The following CEP89 variants were observed in gnomAD, a reference collection of about 807,000 sequenced individuals.
The protein encoded by CEP89 is centrosomal protein 89.
In CEP89, 95 loss-of-function variants were observed where a neutral mutation model predicts 97.6. The ratio of observed to expected loss-of-function variants is 0.97; its 90% CI spans 0.82 to 1.15. The LOEUF (loss-of-function observed/expected upper bound fraction) is 1.15. Ranked by LOEUF, CEP89 falls within the 50% of genes most tolerant of loss-of-function variation. CEP89 has a pLI of 0.00. For missense variants in CEP89, 869 were observed against 947.7 expected (o/e 0.92, Z 1.09); for synonymous variants, 354 against 349.1 (o/e 1.01, Z -0.16).
intron 16 of CEP89, among the ~76,000 whole-genome samples, chr19:32,899,067 TA>T (rs981162192): frequency 7.5e-4 from 113 of 151,128 alleles, no homozygotes; most frequent in African/African-American, 2.7e-3. Context: ...TACAATTGTT[TA>T]AAAAGAAAAA....
At chr19:32,944,553 C>T (rs963148645) in intron 5 of CEP89, among the ~76,000 whole-genome samples, 10 of 151,842 alleles carry the variant, frequency 6.6e-5, no homozygotes, top group Admixed American at 6.6e-4. Context: ...TCCAGTGGTG[C>T]GATGGGGAGG....
intron 4 of CEP89, among the ~76,000 whole-genome samples, chr19:32,951,534 T>TATATATATATATATACAC (rs1407110112): frequency 2.9e-4 from 35 of 122,026 alleles, no homozygotes; most frequent in African/African-American, 1.2e-3. Context: ...TATATATATA[T>TATATATATATATATACAC]ACACACACAC....
At chr19:32,891,406 G>A (rs1033818776) in intron 16 of CEP89, among the ~76,000 whole-genome samples, 19 of 152,074 alleles carry the variant, frequency 1.2e-4, no homozygotes, top group Admixed American at 6.6e-5. Context: ...ATAAGTGACT[G>A]TTACACTTGA....
At chr19:32,925,110 A>G (rs1970327029) in intron 11 of CEP89, among the ~76,000 whole-genome samples, 1 of 152,178 alleles carries the variant, frequency 6.6e-6, no homozygotes, top group Non-Finnish European at 1.5e-5. Context: ...GATTAGGAAC[A>G]AGCTGGGAGC....
intron 9 of CEP89, among the ~76,000 whole-genome samples, chr19:32,929,096 A>G (rs769109850): frequency 6.6e-6 from 1 of 152,140 alleles, no homozygotes; most frequent in Admixed American, 6.6e-5. Flanking sequence ...ACACCTTAAT[A>G]TCTATGTAAT....
At chr19:32,924,644 C>T (rs950028385) in intron 11 of CEP89, among the ~76,000 whole-genome samples, 6 of 152,196 alleles carry the variant, frequency 3.9e-5, no homozygotes, top group African/African-American at 1.4e-4. Context: ...CTTCTCCTCT[C>T]ATCTCTCCAC....
rs757911187 is a variant in CEP89 at position 32,948,315 on chromosome 19, T to C, written c.546A>G (p.Gln182=). ...NSEDDENISH[Q]DGFPGSPPAP... ...CAGGAGGGGAGCCTGGAAACCCATCTTGATGAGAAATATTTTCATCGTCTT... is the reference window on the plus strand; with the variant it reads ...CAGGAGGGGAGCCTGGAAACCCATCCTGATGAGAAATATTTTCATCGTCTT... Residue 182 remains glutamine (Q), a synonymous_variant, in exon 5 of 19, where the codon CAA becomes CAG. Coordinates refer to ENST00000305768, the MANE Select transcript of CEP89 (RefSeq NM_032816.5). The C allele has an allele frequency of 4.3e-6, 7 of 1,612,182 alleles. No homozygotes were observed. The highest frequency in any genetic ancestry group is 5.9e-6 in the Non-Finnish European group (7 of 1,179,246).
At chr19:32,941,402 C>A (rs1168394392) in intron 5 of CEP89, among the ~76,000 whole-genome samples, 2 of 152,040 alleles carry the variant, frequency 1.3e-5, no homozygotes, top group African/African-American at 4.8e-5. Context: ...ACTTGGGCGG[C>A]TGAGGCAGGA....
chr19:32,900,616 G>C (rs1391882837), intron 15 of CEP89, among the ~76,000 whole-genome samples: 1 of 151,820 alleles, frequency 6.6e-6, no homozygotes, highest in Admixed American at 6.6e-5. Flanking sequence ...GTTCTAAAAG[G>C]CACTTTCGAA....
In CEP89 at chr19:32,891,365, A is replaced by G. The variant is rs186298951; in HGVS notation, c.1876-3524T>C. ...CAGGCACACACACAAACACACACAC[A>G]CACACACATACACCAATACAAAAAA... On this transcript the variant is annotated intron_variant, in intron 16 of 18. Transcript: ENST00000305768. 3.3e-5 allele frequency among the ~76,000 whole-genome samples: 5 copies of G among 152,266 alleles called. 1 individual carries two copies. In the East Asian group the frequency reaches 9.7e-4, roughly 29 times the overall value.
In CEP89 at chr19:32,958,174, G is replaced by GA. The variant is rs35392256; in HGVS notation, c.305+1725dup. 6.1e-3 allele frequency among the ~76,000 whole-genome samples: 842 copies of GA among 139,054 alleles called. 7 individuals are homozygous for GA. The highest frequency in any genetic ancestry group is 0.017 in the African/African-American group (634 of 37,902). The allele number at this position is 139,054 out of a possible 152,430, so 91.2% of individuals were successfully genotyped here. A position where few individuals can be genotyped will look rare whatever the true frequency, so the allele number is the denominator to read the frequency against. On this transcript the variant is annotated intron_variant, in intron 3 of 18. Coordinates refer to ENST00000305768, the MANE Select transcript of CEP89 (RefSeq NM_032816.5). The stretch of plus-strand genomic sequence containing the variant: ...TCAGCCAAAGTATAATGCTTACCAG[G>GA]AAAAAAAAAAAGGTTAAATTCAAAT...
At chr19:32,892,381 G>A (rs1353127201) in intron 16 of CEP89, among the ~76,000 whole-genome samples, 1 of 150,490 alleles carries the variant, frequency 6.6e-6, no homozygotes, top group Non-Finnish European at 1.5e-5. Context: ...TCAGCTCACT[G>A]TAGCCTCTGC....
At chr19:32,892,515 G>A (rs551483764) in intron 16 of CEP89, among the ~76,000 whole-genome samples, 5 of 151,094 alleles carry the variant, frequency 3.3e-5, no homozygotes, top group African/African-American at 4.9e-5. Flanking sequence ...CATGTTGGCC[G>A]GGCTGGTCTT....
chr19:32,915,357 T>C lies in CEP89; in HGVS notation c.1545A>G (p.Ser515=). Residue 515 remains serine (S), a synonymous_variant, in exon 14 of 19, where the codon TCA becomes TCG. Coordinates refer to ENST00000305768, the MANE Select transcript of CEP89 (RefSeq NM_032816.5). Reference sequence around the variant, plus strand: ...CTTACCTTTTTAATTCATTCACAATTGATTTATGAACTTCCACTGCGATTT... The same window carrying C: ...CTTACCTTTTTAATTCATTCACAATCGATTTATGAACTTCCACTGCGATTT... The part of the protein sequence containing the change: ...DGKIAVEVHK[S]IVNELKSQLQ... 6.2e-7 allele frequency: 1 copy of C among 1,600,942 alleles called. No individual in the cohort carries two copies. Among genetic ancestry groups the C allele is most frequent in the African/African-American group, 1.4e-5 (1 of 73,984 alleles).
intron 5 of CEP89, among the ~76,000 whole-genome samples, chr19:32,948,007 G>C (rs1237816858): frequency 6.6e-6 from 1 of 151,986 alleles, no homozygotes; most frequent in African/African-American, 2.4e-5. Context: ...ATGTCTCCCT[G>C]TGTTGCCCAG....
Position 32,906,891 on chromosome 19 carries a change from T to C in CEP89, c.1566-5479A>G, listed in dbSNP as rs1360322052. Reference sequence around the variant, plus strand: ...CACTATGTCATGTTTTGTAGTTCCCTGAAGAAATTTTAGAGCTTCTCTGTC... The same window carrying C: ...CACTATGTCATGTTTTGTAGTTCCCCGAAGAAATTTTAGAGCTTCTCTGTC... On this transcript the variant is annotated intron_variant, in intron 14 of 18. Transcript: ENST00000305768. Among the ~76,000 whole-genome samples the C allele has an allele frequency of 4.6e-5, 7 of 152,288 alleles. No individual in the cohort carries two copies. The East Asian group carries it at 1.3e-3, about 29-fold the overall frequency.
chr19:32,962,726 TAA>T (rs1160083811), intron 2 of CEP89, among the ~76,000 whole-genome samples: 1 of 152,162 alleles, frequency 6.6e-6, no homozygotes, highest in African/African-American at 2.4e-5. Flanking sequence ...ACATATTTGA[TAA>T]AAGACTTGTA....
chr19:32,955,423 A>G (rs1971025754), intron 3 of CEP89, among the ~76,000 whole-genome samples: 1 of 152,194 alleles, frequency 6.6e-6, no homozygotes, highest in Non-Finnish European at 1.5e-5. Context: ...TGTTGTAGAT[A>G]ACCCTGTAAT....
At position 32,901,245 on chromosome 19, in the gene CEP89, C is replaced by T. The variant is rs772833328; in HGVS notation, c.1733G>A (p.Arg578Lys). The T allele has an allele frequency of 1.4e-5, 22 of 1,608,534 alleles. No individual in the cohort carries two copies. The highest frequency in any genetic ancestry group is 1.6e-5 in the Non-Finnish European group (19 of 1,178,720). The change falls in exon 15 of 19, where the codon AGG (arginine) becomes AAG (lysine). Residue 578 changes from arginine to lysine, a missense_variant and splice_region_variant. Physicochemically the swap from Arg to Lys is conservative, Grantham distance 26. Coordinates refer to ENST00000305768, the MANE Select transcript of CEP89 (RefSeq NM_032816.5). ...ACTTAAAGGAAAAAAAGACACAAAC[C>T]TATTGATTTTCTGTGCTCGTTCAAG... ...AELERAQKIN[R>K]KSQKKIEVLK...
Sources: gnomAD v4.1 joint callset for allele counts (sites outside exome capture counted in the v4.1 genomes callset) on GRCh38, gnomAD v4.1.1 for gene constraint, MANE v1.5 for transcripts, NCBI Gene and HGNC (gene_info 2026-07-23, HGNC 2026-07-21) for gene names.